Variants in RUNX3 observed in about 807,000 individuals in gnomAD.
RUNX3 encodes the protein RUNX family transcription factor 3, also known as runt-related transcription factor 3.
Under a neutral mutation model 27.7 loss-of-function variants are expected in RUNX3, and 10 were observed. That is an observed-to-expected ratio of 0.36 (90% CI 0.22 to 0.61). The LOEUF is 0.61. Ranked by LOEUF, RUNX3 falls within the 20% of genes least tolerant of loss-of-function variation. The probability of loss-of-function intolerance (pLI) is 0.72; values close to 1 mark genes in which losing one functional copy is unlikely to be tolerated. For synonymous variants in RUNX3, 270 were observed against 269.2 expected, an observed-to-expected ratio of 1.00 and a Z score of -0.03; for missense variants, 469 against 629.5, an observed-to-expected ratio of 0.75 and a Z score of 2.73.
intron 2 of RUNX3, among the ~76,000 whole-genome samples, chr1:24,952,028 T>TA (rs1361637110): frequency 6.6e-6 from 1 of 152,162 alleles, no homozygotes; most frequent in African/African-American, 2.4e-5. Context: ...GTGGCTGACA[T>TA]AGAGTTAAGA....
At chr1:24,913,360 C>T (rs1268236216) in intron 3 of RUNX3, among the ~76,000 whole-genome samples, 2 of 152,256 alleles carry the variant, frequency 1.3e-5, no homozygotes, top group Non-Finnish European at 1.5e-5. Context: ...TCATACCAGG[C>T]AGCTCTCACC....
At position 24,929,652 on chromosome 1, in the gene RUNX3, T is replaced by C; in HGVS notation, c.217A>G (p.Asn73Asp). The change falls in exon 1 of 5, where the codon AAC becomes GAC. Residue 73 changes from asparagine to aspartate, a missense_variant. Asn to Asp is a conservative substitution (Grantham distance 23). Transcript: ENST00000308873. ...AGELVRTDSP[N>D]FLCSVLPSHW... ...GAGGGCAGCACGGAGCAGAGGAAGT[T>C]GGGGCTGTCGGTGCGCACGAGCTCG... 2 of 1,604,608 alleles carry C rather than the reference T, an allele frequency of 1.2e-6. No homozygotes were observed. Among genetic ancestry groups the C allele is most frequent in the Non-Finnish European group, 1.7e-6 (2 of 1,177,832 alleles).
intron 2 of RUNX3, among the ~76,000 whole-genome samples, chr1:24,936,374 C>T (rs1641350661): frequency 6.6e-6 from 1 of 152,144 alleles, no homozygotes; most frequent in Non-Finnish European, 1.5e-5. Flanking sequence ...GCAGCCTGGC[C>T]CCAGAGCCCA....
chr1:24,908,121 T>C (rs1640712767), intron 3 of RUNX3, among the ~76,000 whole-genome samples: 1 of 137,516 alleles, frequency 7.3e-6, no homozygotes, highest in African/African-American at 2.9e-5. Flanking sequence ...CACGCGGTGA[T>C]CCAAACCTCT....
rs1040343857 is a variant in RUNX3 at position 24,900,507 on chromosome 1, G to A, written c.*1615C>T. ...CTTTCTAGGGCCAGAGAACTCTGAT[G>A]TGAGAATCCATGCAGCCTGGCCCTT... On this transcript the variant is annotated 3_prime_UTR_variant, in exon 5 of 5. Transcript: ENST00000308873. 1.1e-4 allele frequency: 17 copies of A among 152,426 alleles called. No homozygotes were observed. Among genetic ancestry groups the A allele is most frequent in the African/African-American group, 4.1e-4 (17 of 41,474 alleles). The allele number at this position is 152,426 out of a possible 1,614,324, so 9.4% of individuals were successfully genotyped here.
Position 24,904,874 on chromosome 1 carries a change from C to G in RUNX3, c.704-2208G>C, listed in dbSNP as rs1279368266. Reference sequence around the variant, plus strand: ...GAGCTCCTGTACCCCCACCCTGCGGCCTCGCAGCCCCAGGAAACCCGAGCT... The same window carrying G: ...GAGCTCCTGTACCCCCACCCTGCGGGCTCGCAGCCCCAGGAAACCCGAGCT... On this transcript the variant is annotated intron_variant, in intron 4 of 4. Coordinates refer to ENST00000308873, the MANE Select transcript of RUNX3 (RefSeq NM_004350.3). The surrounding 1 kb of genome is among the most constrained non-coding windows in gnomAD (Gnocchi z 5.7). 6.6e-6 allele frequency among the ~76,000 whole-genome samples: 1 copy of G among 152,204 alleles called. No homozygotes were observed. The highest frequency in any genetic ancestry group is 1.5e-5 in the Non-Finnish European group (1 of 68,028).
At chr1:24,931,397 C>G (rs1377496134), upstream of RUNX3, among the ~76,000 whole-genome samples, 2 of 152,228 alleles carry the variant, frequency 1.3e-5, no homozygotes, top group Non-Finnish European at 2.9e-5. Flanking sequence ...CAAATCACCC[C>G]TTCCTCTCCC....
intron 2 of RUNX3, among the ~76,000 whole-genome samples, chr1:24,945,343 T>C (rs1342713379): frequency 6.6e-6 from 1 of 152,242 alleles, no homozygotes; most frequent in African/African-American, 2.4e-5. Flanking sequence ...TAAATGTCTG[T>C]TGAATGAGTG....
chr1:24,958,830 T>G (rs1451634143), intron 2 of RUNX3, among the ~76,000 whole-genome samples: 1 of 151,598 alleles, frequency 6.6e-6, no homozygotes, highest in Non-Finnish European at 1.5e-5. Flanking sequence ...GCAGAGGGGG[T>G]GTTTGGGTTC....
In RUNX3 at chr1:24,964,730, T is replaced by A. The variant is rs997357898; in HGVS notation, c.-97-62A>T. The A allele has an allele frequency of 8.2e-6, 12 of 1,466,600 alleles. No individual in the cohort carries two copies. In the African/African-American group the frequency reaches 1.7e-4, roughly 21 times the overall value. 90.8% of individuals were successfully genotyped at this position (1,466,600 alleles called of 1,614,324 possible). On this transcript the variant is annotated intron_variant, in intron 1 of 6. Transcript: ENST00000338888. ...TGTTTTTTGTTTTGTTTTTGTCTCT[T>A]TTTTCCCCCCTGCTGCTACGAAAAA...
At position 24,904,196 on chromosome 1, in the gene RUNX3, G is replaced by A. The variant is rs1422816040; in HGVS notation, c.704-1530C>T. 2.6e-5 allele frequency among the ~76,000 whole-genome samples: 4 copies of A among 152,220 alleles called. No homozygotes were observed. The highest frequency in any genetic ancestry group is 4.1e-4 in the South Asian group (2 of 4,836). Reference sequence around the variant, plus strand: ...CAAAGGATAAGGGCCGGTGCTAGCCGGAGTGGGCTCTGCCTGCCACGCCGA... The same window carrying A: ...CAAAGGATAAGGGCCGGTGCTAGCCAGAGTGGGCTCTGCCTGCCACGCCGA... On this transcript the variant is annotated intron_variant, in intron 4 of 4. Transcript: ENST00000308873. The surrounding 1 kb of genome is among the most constrained non-coding windows in gnomAD (Gnocchi z 5.7).
rs1641190704 is a variant in RUNX3, at chr1:24,930,175, C to A, written c.-307G>T. 1 of 978,738 alleles carries A rather than the reference C, an allele frequency of 1.0e-6. No individual in the cohort carries two copies. The highest frequency in any genetic ancestry group is 1.8e-5 in the African/African-American group (1 of 56,502). The allele number at this position is 978,738 out of a possible 1,614,324, so 60.6% of individuals were successfully genotyped here. A position where few individuals can be genotyped will look rare whatever the true frequency, so the allele number is the denominator to read the frequency against. ...TGCCTGGGCCGCGGCGGGGCCCGCGCGGGGCTGTGCCGCTGCCGCCGCCTC... is the reference window on the plus strand; with the variant it reads ...TGCCTGGGCCGCGGCGGGGCCCGCGAGGGGCTGTGCCGCTGCCGCCGCCTC... On this transcript the variant is annotated 5_prime_UTR_variant, in exon 1 of 5. Coordinates refer to ENST00000308873, the MANE Select transcript of RUNX3 (RefSeq NM_004350.3). This position sits in a 1 kb window ranked among gnomAD's most constrained non-coding sequence, Gnocchi z 4.1.
chr1:24,955,907 T>C (rs1641908435), intron 2 of RUNX3, among the ~76,000 whole-genome samples: 1 of 152,232 alleles, frequency 6.6e-6, no homozygotes, highest in South Asian at 2.1e-4. Flanking sequence ...GCTCAATAAA[T>C]GTTCATTGAA....
intron 2 of RUNX3, among the ~76,000 whole-genome samples, chr1:24,925,378 C>T (rs1381210200): frequency 1.3e-5 from 2 of 151,750 alleles, no homozygotes; most frequent in East Asian, 3.9e-4. Flanking sequence ...TCAAAGGGAC[C>T]TCAAAGTCCT....
chr1:24,915,141 G>C (rs978452119), intron 3 of RUNX3, among the ~76,000 whole-genome samples: 6 of 152,200 alleles, frequency 3.9e-5, no homozygotes, highest in African/African-American at 1.4e-4. Context: ...AAACAACAGG[G>C]GGCCGGGTGC....
At chr1:24,919,417 A>T in intron 2 of RUNX3, 73 bp from the exon 3 acceptor site, 1 of 981,206 alleles carries the variant, frequency 1.0e-6, no homozygotes, top group Non-Finnish European at 1.6e-6. Flanking sequence ...TCCCACCTGT[A>T]TCTACCCCTG....
upstream of RUNX3, among the ~76,000 whole-genome samples, chr1:24,933,542 T>C (rs1641279897): frequency 2.0e-5 from 3 of 151,940 alleles, no homozygotes; most frequent in Non-Finnish European, 4.4e-5. Flanking sequence ...AGCCAGTCCA[T>C]GCTGTCCTGA....
At chr1:24,903,272 A>C (rs936045596) in intron 4 of RUNX3, among the ~76,000 whole-genome samples, 1 of 152,162 alleles carries the variant, frequency 6.6e-6, no homozygotes, top group African/African-American at 2.4e-5. Context: ...CAGCACGCGG[A>C]GGTTCTGTGC....
chr1:24,964,614 G>T (rs1278471863), exon 2 of RUNX3: 3 of 1,588,280 alleles, frequency 1.9e-6, no homozygotes, highest in Middle Eastern at 1.7e-4. Flanking sequence ...CCTTCAGGGG[G>T]TTGGGTTGGG....
Sources: allele counts gnomAD v4.1 joint callset (sites outside exome capture counted in the v4.1 genomes callset), GRCh38; gene constraint gnomAD v4.1.1; non-coding constraint Gnocchi (gnomAD v3.1); transcripts MANE v1.5; gene names NCBI Gene and HGNC (gene_info 2026-07-23, HGNC 2026-07-21).